Variants in CAPS2 observed in about 807,000 individuals in gnomAD.
CAPS2 encodes calcyphosin-2.
Under a neutral mutation model 86.5 loss-of-function variants are expected in CAPS2, and 98 were observed. That is an observed-to-expected ratio of 1.13 (90% CI 0.96 to 1.34). CAPS2 has a LOEUF of 1.34. CAPS2 is among the 40% of genes most tolerant of loss of function. The pLI is 0.00. For synonymous variants in CAPS2, 210 were observed against 225.1 expected (o/e 0.93, Z 0.60); for missense variants, 729 against 686.8 (o/e 1.06, Z -0.69).
intron 11 of CAPS2, among the ~76,000 whole-genome samples, chr12:75,296,242 C>T (rs547675904): frequency 2.0e-5 from 3 of 151,806 alleles, no homozygotes; most frequent in East Asian, 1.9e-4. Flanking sequence ...CCTAAGGGTA[C>T]AGTCTGTGTC....
At chr12:75,343,706 G>T (rs746054970) in intron 1 of CAPS2, 1 of 1,607,876 alleles carries the variant, frequency 6.2e-7, no homozygotes, top group African/African-American at 1.3e-5. Flanking sequence ...TGGGATAAAG[G>T]TTTAGCAAAG....
At chr12:75,292,054 T>C (rs545012888) in intron 12 of CAPS2, among the ~76,000 whole-genome samples, 6 of 151,958 alleles carry the variant, frequency 3.9e-5, no homozygotes, top group Middle Eastern at 3.4e-3. Flanking sequence ...ACTACTTGTT[T>C]TGTTTGTTTT....
At chr12:75,289,723 C>T (rs753668971) in exon 14 of CAPS2, 6 of 1,612,746 alleles carry the variant, frequency 3.7e-6, no homozygotes, top group Non-Finnish European at 1.7e-6. Context: ...AATATTTTCC[C>T]AATCCAGTCA....
chr12:75,312,004 A>G (rs2039281558), intron 7 of CAPS2, among the ~76,000 whole-genome samples: 1 of 152,196 alleles, frequency 6.6e-6, no homozygotes, highest in Non-Finnish European at 1.5e-5. Flanking sequence ...TCTGTCATGC[A>G]TTCTTTCTGC....
rs1342332330 is a variant in CAPS2, at chr12:75,291,518, T to TAG, written c.1240+225_1240+226insCT. ...ATATATATATATATATATATATATA[T>TAG]ATATAGCTTATTTTAAAAAGTATAT... is the stretch of plus-strand genomic sequence containing the variant. On this transcript the variant is annotated intron_variant, in intron 13 of 16. Coordinates refer to ENST00000393284, the Ensembl canonical transcript of CAPS2. Among the ~76,000 whole-genome samples, 21 of 84,822 alleles carry TAG rather than the reference T, an allele frequency of 2.5e-4. 2 individuals carry two copies. Among genetic ancestry groups the TAG allele is most frequent in the African/African-American group, 1.0e-3 (20 of 19,768 alleles). 55.6% of individuals were successfully genotyped at this position (84,822 alleles called of 152,430 possible). A position where few individuals can be genotyped will look rare whatever the true frequency, so the allele number is the denominator to read the frequency against.
At chr12:75,279,064 G>A in exon 17 of CAPS2, 1 of 1,586,026 alleles carries the variant, frequency 6.3e-7, no homozygotes, top group Non-Finnish European at 8.6e-7. Context: ...CTGTTGAATG[G>A]CCTATAAAAT....
At chr12:75,368,548 A>G (rs1372478746) in intron 1 of CAPS2, among the ~76,000 whole-genome samples, 1 of 151,554 alleles carries the variant, frequency 6.6e-6, no homozygotes, top group African/African-American at 2.4e-5. Context: ...GATAAATCCA[A>G]TTTGGTCATG....
In CAPS2 at chr12:75,293,337, G is replaced by T. The variant is rs143788535; in HGVS notation, c.1075C>A (p.His359Asn). Residue 359 changes from histidine to asparagine, a missense_variant, in exon 12 of 17, where the codon CAT becomes AAT. By Grantham distance (68) the His-to-Asn change is moderately conservative. Coordinates refer to ENST00000393284, the Ensembl canonical transcript of CAPS2. ...TTGATGCTTTCTGGAAGGCTGAGAT[G>T]ATCAGAACTCAAAAATGTCAAGGTT... The T allele has an allele frequency of 6.3e-5, 101 of 1,611,302 alleles. No homozygotes were observed. In the African/African-American group the frequency reaches 9.9e-4, roughly 16 times the overall value.
intron 2 of CAPS2, 53 bp downstream of exon 3, chr12:75,325,186 T>C: frequency 1.4e-6 from 2 of 1,473,442 alleles, no homozygotes; most frequent in Non-Finnish European, 1.8e-6. Context: ...CTAGTCAATG[T>C]ATGTTATATA....
At chr12:75,381,841 C>T (rs1032603498) in intron 1 of CAPS2, among the ~76,000 whole-genome samples, 3 of 152,040 alleles carry the variant, frequency 2.0e-5, no homozygotes, top group Non-Finnish European at 4.4e-5. Flanking sequence ...TCTCGATCTC[C>T]TGACCTCGTG....
intron 7 of CAPS2, among the ~76,000 whole-genome samples, chr12:75,311,316 T>A (rs2039137427): frequency 6.6e-6 from 1 of 152,110 alleles, no homozygotes; most frequent in South Asian, 2.1e-4. Context: ...GGACTGAGCA[T>A]GTTTGTTGAC....
intron 1 of CAPS2, among the ~76,000 whole-genome samples, chr12:75,378,202 T>C (rs2044763928): frequency 6.6e-6 from 1 of 152,154 alleles, no homozygotes; most frequent in Non-Finnish European, 1.5e-5. Context: ...TTTTGCCACG[T>C]TGCCCAGGCT....
chr12:75,390,503 T>C, intron 1 of CAPS2: 1 of 403,296 alleles, frequency 2.5e-6, no homozygotes, highest in South Asian at 1.8e-5. Context: ...GAAAAAAATC[T>C]CATCAATTAA....
chr12:75,385,513 G>C (rs746602751), intron 1 of CAPS2, among the ~76,000 whole-genome samples: 2 of 152,154 alleles, frequency 1.3e-5, no homozygotes, highest in Admixed American at 6.5e-5. Context: ...CATACTTAAT[G>C]ATGAGAAACA....
chr12:75,286,433 A>G (rs1030671719), intron 14 of CAPS2, among the ~76,000 whole-genome samples: 3 of 152,014 alleles, frequency 2.0e-5, no homozygotes, highest in Non-Finnish European at 2.9e-5. Context: ...TACTTCTTAA[A>G]GCTTAAAAGA....
chr12:75,278,336 A>G, exon 17 of CAPS2: 1 of 984,228 alleles, frequency 1.0e-6, no homozygotes, highest in African/African-American at 1.7e-5. Context: ...CTATATACAG[A>G]AAACATCTAT....
At chr12:75,307,116 G>T (rs1357516562) in intron 7 of CAPS2, among the ~76,000 whole-genome samples, 1 of 152,138 alleles carries the variant, frequency 6.6e-6, no homozygotes, top group Non-Finnish European at 1.5e-5. Flanking sequence ...TTCAATCCTT[G>T]CCTGCCGCGA....
intron 12 of CAPS2, among the ~76,000 whole-genome samples, chr12:75,292,596 A>C (rs1013445883): frequency 2.1e-5 from 3 of 145,778 alleles, no homozygotes; most frequent in Admixed American, 6.9e-5. Context: ...TATATATTAT[A>C]TATACATATT....
chr12:75,316,223 G>A, intron 6 of CAPS2, 89 bp downstream of exon 6: 1 of 1,456,488 alleles, frequency 6.9e-7, no homozygotes, highest in Non-Finnish European at 9.2e-7. Flanking sequence ...TTCAACTGTT[G>A]CAATTATTTA....
Sources: allele counts gnomAD v4.1 joint callset (sites outside exome capture counted in the v4.1 genomes callset), GRCh38; gene constraint gnomAD v4.1.1; transcripts MANE v1.5; gene names NCBI Gene and HGNC (gene_info 2026-07-23, HGNC 2026-07-21).